Variants in SHISA9 observed in about 807,000 individuals in gnomAD.
SHISA9 encodes protein shisa-9.
A neutral mutation model predicts 38.0 loss-of-function variants in SHISA9; 13 were observed. That is an observed-to-expected ratio of 0.34 (90% CI 0.22 to 0.54). The LOEUF (loss-of-function observed/expected upper bound fraction) is 0.54. Ranked by LOEUF, SHISA9 falls within the 20% of genes least tolerant of loss-of-function variation. SHISA9 has a pLI of 0.91. For missense variants in SHISA9, 538 were observed against 575.8 expected, an observed-to-expected ratio of 0.93 and a Z score of 0.67; for synonymous variants, 275 against 242.0, an observed-to-expected ratio of 1.14 and a Z score of -1.27.
rs181103675 is a variant in SHISA9 at position 12,995,459 on chromosome 16, A to G, written c.691+78644A>G. Among the ~76,000 whole-genome samples, 331 of 152,280 alleles carry G rather than the reference A, an allele frequency of 2.2e-3. 1 individual carries two copies. The highest frequency in any genetic ancestry group is 6.8e-3 in the Middle Eastern group (2 of 294). ...CATCTGGTAGAACTCAAGAATTTAC[A>G]TTTTAAGATTCTTCTTGGTGATTCA... On this transcript the variant is annotated intron_variant, in intron 2 of 4. Coordinates refer to ENST00000558583, the MANE Select transcript of SHISA9 (RefSeq NM_001145204.3).
chr16:13,149,934 A>AT (rs200905061), intron 2 of SHISA9, among the ~76,000 whole-genome samples: 1 of 111,456 alleles, frequency 9.0e-6, no homozygotes. Context: ...CAAAAAAAAG[A>AT]AAAAAAAAAA....
At chr16:12,999,623 T>A (rs1225630233) in intron 2 of SHISA9, among the ~76,000 whole-genome samples, 1 of 152,174 alleles carries the variant, frequency 6.6e-6, no homozygotes, top group Non-Finnish European at 1.5e-5. Flanking sequence ...TTACCTACCT[T>A]GACCTAGCAG....
At chr16:13,285,462 G>GCTTTTTTTTTTTTTTTTTTTTT in the SHISA9 span, among the ~76,000 whole-genome samples, 1 of 95,784 alleles carries the variant, frequency 1.0e-5, no homozygotes, top group African/African-American at 4.2e-5. Context: ...TTCAGGTGTA[G>GCTTTTTTTTTTTTTTTTTTTTT]TTTTTTTTTT....
chr16:12,994,124 T>C (rs2072426500), intron 2 of SHISA9, among the ~76,000 whole-genome samples: 1 of 152,088 alleles, frequency 6.6e-6, no homozygotes, highest in Non-Finnish European at 1.5e-5. Flanking sequence ...GAAATAGGAA[T>C]CAACTGGAAA....
chr16:13,131,589 C>A (rs2050307242), intron 2 of SHISA9, among the ~76,000 whole-genome samples: 2 of 151,992 alleles, frequency 1.3e-5, no homozygotes, highest in African/African-American at 4.8e-5. Context: ...TGCAGCAAAC[C>A]TGCACATCCT....
chr16:13,369,337 CAT>C, the SHISA9 span, among the ~76,000 whole-genome samples: 3 of 152,036 alleles, frequency 2.0e-5, no homozygotes, highest in Non-Finnish European at 4.4e-5. Flanking sequence ...AAAACATTAA[CAT>C]GTGTTCAGTC....
the SHISA9 span, among the ~76,000 whole-genome samples, chr16:13,522,050 G>A: frequency 6.6e-6 from 1 of 152,148 alleles, no homozygotes; most frequent in African/African-American, 2.4e-5. Flanking sequence ...CTTGACAGGC[G>A]CTTCCCGGGA....
chr16:13,168,500 G>C (rs2050657350), intron 2 of SHISA9, among the ~76,000 whole-genome samples: 1 of 152,186 alleles, frequency 6.6e-6, no homozygotes, highest in African/African-American at 2.4e-5. Context: ...CTACCAGCAA[G>C]GGAAGCTGGG....
the SHISA9 span, among the ~76,000 whole-genome samples, chr16:13,433,628 T>A: frequency 6.6e-5 from 10 of 152,188 alleles, no homozygotes; most frequent in Admixed American, 6.5e-4. Flanking sequence ...CCACCACATG[T>A]CACTGCATAC....
intron 2 of SHISA9, among the ~76,000 whole-genome samples, chr16:13,169,887 C>A (rs902871448): frequency 6.6e-6 from 1 of 152,026 alleles, no homozygotes; most frequent in African/African-American, 2.4e-5. Flanking sequence ...TCCTTACATG[C>A]GTATTTAAAA....
intron 2 of SHISA9, among the ~76,000 whole-genome samples, chr16:13,003,714 C>T (rs889571350): frequency 3.3e-5 from 5 of 152,030 alleles, no homozygotes; most frequent in African/African-American, 4.8e-5. Context: ...AAAGATTAGC[C>T]GGGCATGGTG....
intron 2 of SHISA9, among the ~76,000 whole-genome samples, chr16:12,924,402 T>C (rs2071368431): frequency 6.6e-6 from 1 of 152,230 alleles, no homozygotes; most frequent in Non-Finnish European, 1.5e-5. Context: ...AGTGAAACTC[T>C]AGGACTCTTA....
At chr16:13,497,929 G>T in the SHISA9 span, among the ~76,000 whole-genome samples, 2 of 151,756 alleles carry the variant, frequency 1.3e-5, no homozygotes, top group African/African-American at 4.8e-5. Flanking sequence ...GTGCAAATAC[G>T]TGAATAAAAT....
At chr16:13,288,360 CT>C in the SHISA9 span, among the ~76,000 whole-genome samples, 1 of 152,082 alleles carries the variant, frequency 6.6e-6, no homozygotes, top group Non-Finnish European at 1.5e-5. Flanking sequence ...TGAAGGCCTT[CT>C]TCCTGGCTCA....
At chr16:13,091,931 A>C (rs758960677) in intron 2 of SHISA9, among the ~76,000 whole-genome samples, 1 of 152,118 alleles carries the variant, frequency 6.6e-6, no homozygotes, top group Non-Finnish European at 1.5e-5. Context: ...CTCCCCATCT[A>C]TGTGGTTTTA....
At chr16:13,394,711 C>G in the SHISA9 span, among the ~76,000 whole-genome samples, 8 of 152,300 alleles carry the variant, frequency 5.3e-5, no homozygotes, top group African/African-American at 1.4e-4. Flanking sequence ...CACCATAGCA[C>G]TTAGGACAGT....
intron 2 of SHISA9, among the ~76,000 whole-genome samples, chr16:13,138,875 A>G (rs2050373124): frequency 6.6e-6 from 1 of 151,920 alleles, no homozygotes; most frequent in African/African-American, 2.4e-5. Context: ...CCTTATTTGC[A>G]GTTTTTAATT....
At position 13,237,135 on chromosome 16, in the gene SHISA9, C is replaced by A. The variant is rs2142092186; in HGVS notation, c.*1726C>A. ...AGAAGCTATAAATGGTCTGGCCAAA[C>A]AAGACTCAGAGTATTTTCTGAAATC... On this transcript the variant is annotated 3_prime_UTR_variant, in exon 5 of 5. Coordinates refer to ENST00000558583, the MANE Select transcript of SHISA9 (RefSeq NM_001145204.3). 6.6e-6 allele frequency: 1 copy of A among 152,194 alleles called. No homozygotes were observed. Among genetic ancestry groups the A allele is most frequent in the Non-Finnish European group, 1.5e-5 (1 of 68,044 alleles). The allele number at this position is 152,194 out of a possible 1,614,324, so 9.4% of individuals were successfully genotyped here.
At chr16:13,364,407 G>C in the SHISA9 span, among the ~76,000 whole-genome samples, 4 of 152,204 alleles carry the variant, frequency 2.6e-5, no homozygotes, top group Admixed American at 6.5e-5. Context: ...CAAGCAACAA[G>C]AGATATTTTT....
Sources: allele counts gnomAD v4.1 joint callset (sites outside exome capture counted in the v4.1 genomes callset), GRCh38; gene constraint gnomAD v4.1.1; transcripts MANE v1.5; gene names NCBI Gene and HGNC (gene_info 2026-07-23, HGNC 2026-07-21).